Variants in RFX3 observed in about 807,000 individuals in gnomAD.
The protein encoded by RFX3 is transcription factor RFX3.
A neutral mutation model predicts 98.6 loss-of-function variants in RFX3; 14 were observed. The observed-to-expected ratio is 0.14, with a 90% confidence interval of 0.09 to 0.22. The LOEUF (loss-of-function observed/expected upper bound fraction) is 0.22, where lower values mean the gene tolerates loss of function less well. Ranked by LOEUF, RFX3 falls within the 10% of genes least tolerant of loss-of-function variation. The pLI is 1.00. For missense variants in RFX3, 639 were observed against 926.9 expected, an observed-to-expected ratio of 0.69 and a Z score of 4.03; for synonymous variants, 383 against 328.4, an observed-to-expected ratio of 1.17 and a Z score of -1.80.
chr9:3,290,548 C>G lies in RFX3; in HGVS notation c.732-2298G>C, dbSNP rs763234695. On this transcript the variant is annotated intron_variant, in intron 6 of 16. Transcript: ENST00000617270. ...CCAGCGAGGAGATAGTAGGTTAGGTCCCCAAATAATGATTTTTGTGGTTTT... is the reference window on the plus strand; with the variant it reads ...CCAGCGAGGAGATAGTAGGTTAGGTGCCCAAATAATGATTTTTGTGGTTTT... 1.6e-3 allele frequency among the ~76,000 whole-genome samples: 243 copies of G among 151,936 alleles called. 1 individual carries two copies. Among genetic ancestry groups the G allele is most frequent in the Non-Finnish European group, 2.2e-3 (147 of 68,002 alleles).
At chr9:3,326,394 T>G (rs1334540305) in intron 4 of RFX3, among the ~76,000 whole-genome samples, 1 of 152,154 alleles carries the variant, frequency 6.6e-6, no homozygotes, top group Non-Finnish European at 1.5e-5. Context: ...CATAAGTAAA[T>G]GTGTGGCATG....
chr9:3,513,522 A>C (rs936054501), intron 1 of RFX3, among the ~76,000 whole-genome samples: 2 of 152,222 alleles, frequency 1.3e-5, no homozygotes, highest in Non-Finnish European at 2.9e-5. Context: ...TGGAACTTCC[A>C]AAGCTCCCAG....
chr9:3,371,526 ATAAT>A (rs1384282866), intron 2 of RFX3, among the ~76,000 whole-genome samples: 1 of 152,168 alleles, frequency 6.6e-6, no homozygotes, highest in Non-Finnish European at 1.5e-5. Context: ...TCAAATGATG[ATAAT>A]TAATAAATTA....
At chr9:3,295,783 G>C (rs550435355) in intron 5 of RFX3, among the ~76,000 whole-genome samples, 4 of 151,800 alleles carry the variant, frequency 2.6e-5, no homozygotes, top group African/African-American at 7.3e-5. Flanking sequence ...ATATCATATA[G>C]AAAAATCTTC....
chr9:3,475,031 C>G (rs1161093155), intron 1 of RFX3, among the ~76,000 whole-genome samples: 1 of 150,136 alleles, frequency 6.7e-6, no homozygotes, highest in African/African-American at 2.5e-5. Context: ...CCCAGGTGAT[C>G]TAGGCTGCAG....
intron 2 of RFX3, 126 bp from the exon 3 acceptor site, chr9:3,346,890 T>C (rs1587218228): frequency 1.5e-6 from 1 of 658,368 alleles, no homozygotes; most frequent in East Asian, 2.7e-5. Flanking sequence ...TAAGAAAAAC[T>C]ATTAGATTCA....
intron 1 of RFX3, among the ~76,000 whole-genome samples, chr9:3,406,466 T>G (rs568007025): frequency 8.5e-5 from 13 of 152,128 alleles, no homozygotes; most frequent in African/African-American, 2.9e-4. Flanking sequence ...CATACTATCT[T>G]TACTCAGTAC....
chr9:3,445,124 A>G (rs1845932441), intron 1 of RFX3, among the ~76,000 whole-genome samples: 1 of 152,200 alleles, frequency 6.6e-6, no homozygotes, highest in Non-Finnish European at 1.5e-5. Context: ...TAATGAATGC[A>G]CTTGTCAATC....
chr9:3,253,193 A>T (rs1457119287), intron 14 of RFX3, among the ~76,000 whole-genome samples: 1 of 152,216 alleles, frequency 6.6e-6, no homozygotes, highest in Non-Finnish European at 1.5e-5. Flanking sequence ...TATATGCCCT[A>T]ACATGCGATA....
Position 3,474,826 on chromosome 9 carries a change from G to T in RFX3, c.-9+50921C>A, listed in dbSNP as rs761306554. 2.0e-5 allele frequency among the ~76,000 whole-genome samples: 3 copies of T among 152,306 alleles called. No homozygotes were observed. In the East Asian group the frequency reaches 5.8e-4, roughly 29 times the overall value. ...ATGACCAAACTAGCAGCCAGGTATG[G>T]TGGCTCATGCCTGTAATCTCCGCAC... On this transcript the variant is annotated intron_variant, in intron 1 of 16. Coordinates refer to ENST00000617270, the MANE Select transcript of RFX3 (RefSeq NM_001282116.2).
chr9:3,470,629 A>C (rs753363891), intron 1 of RFX3, among the ~76,000 whole-genome samples: 4 of 152,052 alleles, frequency 2.6e-5, no homozygotes, highest in Non-Finnish European at 5.9e-5. Context: ...CACCGGGCCA[A>C]AGCCCAAATT....
At chr9:3,348,424 C>G in intron 2 of RFX3, among the ~76,000 whole-genome samples, 1 of 151,702 alleles carries the variant, frequency 6.6e-6, no homozygotes, top group South Asian at 2.1e-4. Flanking sequence ...ATCCACGTTT[C>G]GCCTGAGGAT....
chr9:3,454,205 A>C (rs1846940273), intron 1 of RFX3, among the ~76,000 whole-genome samples: 1 of 152,216 alleles, frequency 6.6e-6, no homozygotes. Flanking sequence ...TTGTAAAATA[A>C]ACCATTTCAA....
chr9:3,255,971 C>CA (rs1554637331), intron 14 of RFX3, among the ~76,000 whole-genome samples: 128 of 148,706 alleles, frequency 8.6e-4, no homozygotes, highest in African/African-American at 2.9e-3. Flanking sequence ...TTATCTCTCT[C>CA]TTTTTTTTTT....
At chr9:3,455,362 GC>G (rs1389451636) in intron 1 of RFX3, among the ~76,000 whole-genome samples, 1 of 151,988 alleles carries the variant, frequency 6.6e-6, no homozygotes, top group African/African-American at 2.4e-5. Flanking sequence ...ATTCAGGCAA[GC>G]CTTCCCTTCC....
intron 1 of RFX3, among the ~76,000 whole-genome samples, chr9:3,426,412 C>T (rs1263330336): frequency 4.0e-5 from 6 of 151,668 alleles, no homozygotes; most frequent in African/African-American, 9.7e-5. Context: ...AGTCATCCTA[C>T]AGTGGTATAG....
chr9:3,518,922 A>AGCT (rs1818439994), intron 1 of RFX3, among the ~76,000 whole-genome samples: 1 of 152,182 alleles, frequency 6.6e-6, no homozygotes, highest in South Asian at 2.1e-4. Flanking sequence ...TAACAATTCT[A>AGCT]AGCAACGCAT....
intron 2 of RFX3, among the ~76,000 whole-genome samples, chr9:3,362,734 G>A (rs188121911): frequency 3.9e-5 from 6 of 152,250 alleles, no homozygotes; most frequent in African/African-American, 1.4e-4. Flanking sequence ...GTGACCATCT[G>A]AGAAAGGAGG....
At chr9:3,491,837 T>C (rs1850743870) in intron 1 of RFX3, among the ~76,000 whole-genome samples, 1 of 152,214 alleles carries the variant, frequency 6.6e-6, no homozygotes, top group South Asian at 2.1e-4. Context: ...TATTATTCAA[T>C]TATTCATTTA....
Sources: gnomAD v4.1 joint callset for allele counts (sites outside exome capture counted in the v4.1 genomes callset) on GRCh38, gnomAD v4.1.1 for gene constraint, MANE v1.5 for transcripts, NCBI Gene and HGNC (gene_info 2026-07-23, HGNC 2026-07-21) for gene names.